Variants in KIAA2012 observed in about 807,000 individuals in gnomAD.
KIAA2012 encodes the protein KIAA2012.
Under a neutral mutation model 150.6 loss-of-function variants are expected in KIAA2012, and 125 were observed. That is an observed-to-expected ratio of 0.83 (90% confidence interval 0.72 to 0.96). KIAA2012 has a LOEUF of 0.96. Ranked by LOEUF, KIAA2012 falls within the 40% of genes least tolerant of loss-of-function variation. The pLI is 0.00. For missense variants in KIAA2012, 1,219 were observed against 1,354.9 expected (o/e 0.90, Z 1.57); for synonymous variants, 462 against 504.7 (o/e 0.92, Z 1.13).
In KIAA2012 at chr2:202,103,008, G is replaced by A. The variant is rs1379908863; in HGVS notation, c.1218G>A (p.Leu406=). 2 of 1,550,534 alleles carry A rather than the reference G, an allele frequency of 1.3e-6. No homozygotes were observed. Among genetic ancestry groups the A allele is most frequent in the Admixed American group, 2.0e-5 (1 of 51,008 alleles). ...AACCACCCAGAGTCTTGGAGCCCCT[G>A]AAGAGCCAATTTAAAGCCAATGAGC... ...SEEPPRVLEP[L]KSQFKANEPP... The change falls in exon 8 of 24, where the codon CTG becomes CTA. Residue 406 remains leucine (L), a synonymous_variant. Coordinates refer to ENST00000498697, the MANE Select transcript of KIAA2012 (RefSeq NM_001277372.4).
chr2:202,113,423 C>T lies in KIAA2012; in HGVS notation c.1739C>T (p.Thr580Ile), dbSNP rs900614230. 6.5e-7 allele frequency: 1 copy of T among 1,550,366 alleles called. No individual in the cohort carries two copies. Among genetic ancestry groups the T allele is most frequent in the Admixed American group, 2.0e-5 (1 of 50,994 alleles). ...CTGTCCCTCCCAGGGCATACCCAAA[C>T]CGAGGCGCTTCCATCGGGTAAAGGT... ...VCLSLPGHTQ[T>I]EALPSGKAYE... Residue 580 changes from threonine (T) to isoleucine (I), a missense_variant, in exon 11 of 24, where the codon ACC becomes ATC. Thr to Ile is a moderately conservative substitution (Grantham distance 89). Coordinates refer to ENST00000498697, the MANE Select transcript of KIAA2012 (RefSeq NM_001277372.4).
At chr2:202,098,169 G>T (rs1293475926) in intron 5 of KIAA2012, among the ~76,000 whole-genome samples, 1 of 152,176 alleles carries the variant, frequency 6.6e-6, no homozygotes, top group Non-Finnish European at 1.5e-5. Context: ...AGACCAGCCT[G>T]GCCAACATGG....
rs1484538607 is a variant in KIAA2012, at chr2:202,196,817, C to A, written c.3205C>A (p.Gln1069Lys). Reference protein sequence around the residue: ...AERAEAEKQRQEELEMQLEEE... With the variant: ...AERAEAEKQRKEELEMQLEEE... ...TTCTGCAGAGGCAGAGAAGCAAAGG[C>A]AAGAGGAATTGGAAATGCAGTTAGA... The change falls in exon 22 of 24, where the codon CAA (glutamine) becomes AAA (lysine). Residue 1069 changes from glutamine to lysine, a missense_variant. Transcript: ENST00000498697. 1 of 1,550,280 alleles carries A rather than the reference C, an allele frequency of 6.5e-7. No individual in the cohort carries two copies. Among genetic ancestry groups the A allele is most frequent in the Non-Finnish European group, 8.7e-7 (1 of 1,146,958 alleles).
chr2:202,074,281 TCATA>T (rs1198482619), intron 1 of KIAA2012, among the ~76,000 whole-genome samples: 1 of 151,966 alleles, frequency 6.6e-6, no homozygotes, highest in Non-Finnish European at 1.5e-5. Context: ...AATTTGGGGG[TCATA>T]CAGAGATTTC....
Position 202,190,155 on chromosome 2 carries a change from C to A in KIAA2012, c.2492-19C>A. On this transcript the variant is annotated intron_variant, in intron 18 of 23. Transcript: ENST00000498697. ...AAGTTAACTCAGCTATATCTCTATC[C>A]CCAATTGTTCTCCCCCAGGAAAGTC... The A allele has an allele frequency of 6.7e-7, 1 of 1,498,622 alleles. No homozygotes were observed. Among genetic ancestry groups the A allele is most frequent in the Non-Finnish European group, 8.9e-7 (1 of 1,128,716 alleles). 92.8% of individuals were successfully genotyped at this position (1,498,622 alleles called of 1,614,324 possible). A position where few individuals can be genotyped will look rare whatever the true frequency, so the allele number is the denominator to read the frequency against.
chr2:202,105,943 A>G, intron 9 of KIAA2012, 33 bp downstream of exon 9: 1 of 1,550,802 alleles, frequency 6.4e-7, no homozygotes, highest in Non-Finnish European at 8.7e-7. Flanking sequence ...ATCCCTCGGG[A>G]ACCTCACTCT....
chr2:202,190,351 T>G lies in KIAA2012; in HGVS notation c.2669T>G (p.Val890Gly). 6.4e-7 allele frequency: 1 copy of G among 1,550,636 alleles called. No individual in the cohort carries two copies. Among genetic ancestry groups the G allele is most frequent in the African/African-American group, 1.4e-5 (1 of 73,142 alleles). ...NRGSFASDSF[V>G]EDPWLSPKYD... The stretch of plus-strand genomic sequence containing the variant: ...GGTTCCTTTGCCTCAGACTCCTTTG[T>G]AGAGGACCCTTGGCTTTCTCCCAAA... Residue 890 changes from valine (V) to glycine (G), a missense_variant, in exon 19 of 24, where the codon GTA becomes GGA. Val to Gly is a moderately radical substitution (Grantham distance 109). Coordinates refer to ENST00000498697, the MANE Select transcript of KIAA2012 (RefSeq NM_001277372.4).
chr2:202,133,382 C>T (rs1691001501), intron 12 of KIAA2012, among the ~76,000 whole-genome samples: 1 of 151,732 alleles, frequency 6.6e-6, no homozygotes, highest in East Asian at 1.9e-4. Context: ...GGTAAACTGC[C>T]ATGTGCCTTT....
In KIAA2012 at chr2:202,090,839, C is replaced by T. The variant is rs755993706; in HGVS notation, c.439C>T (p.Gln147Ter). 8.6e-5 allele frequency: 134 copies of T among 1,550,470 alleles called. No individual in the cohort carries two copies. Among genetic ancestry groups the T allele is most frequent in the Non-Finnish European group, 1.1e-4 (130 of 1,146,988 alleles). Residue 147 changes from glutamine (Q) to a stop codon, truncating the protein, a stop_gained, in exon 3 of 24, where the codon CAG (glutamine) becomes TAG (stop). Coordinates refer to ENST00000498697, the MANE Select transcript of KIAA2012 (RefSeq NM_001277372.4). LOFTEE classifies it high-confidence loss of function. Reference protein sequence around the residue: ...RSQLESQAQRQIQPGHSAKRY... With the variant: ...RSQLESQAQR Reference sequence around the variant, plus strand: ...CCAGCTGGAGAGCCAGGCCCAACGGCAGATCCAGCCAGGGCATTCAGCCAA... The same window carrying T: ...CCAGCTGGAGAGCCAGGCCCAACGGTAGATCCAGCCAGGGCATTCAGCCAA...
chr2:202,097,462 C>A lies in KIAA2012; in HGVS notation c.713C>A (p.Ala238Asp), dbSNP rs1689915927. The change falls in exon 5 of 24, where the codon GCT becomes GAT. Residue 238 changes from alanine (A) to aspartate (D), a missense_variant. Ala to Asp is a moderately radical substitution (Grantham distance 126, BLOSUM62 -2). Coordinates refer to ENST00000498697, the MANE Select transcript of KIAA2012 (RefSeq NM_001277372.4). ...QRQQGLDEGEAGAAGHVDQGP... is the reference protein window; with the variant it reads ...QRQQGLDEGEDGAAGHVDQGP... ...CAACAGGGCCTGGATGAAGGGGAAGCTGGAGCTGCTGGACACGTGGACCAG... is the reference window on the plus strand; with the variant it reads ...CAACAGGGCCTGGATGAAGGGGAAGATGGAGCTGCTGGACACGTGGACCAG... 6.4e-7 allele frequency: 1 copy of A among 1,550,452 alleles called. No homozygotes were observed. Among genetic ancestry groups the A allele is most frequent in the Non-Finnish European group, 8.7e-7 (1 of 1,146,972 alleles).
intron 9 of KIAA2012, among the ~76,000 whole-genome samples, chr2:202,107,395 G>A (rs190878824): frequency 2.6e-5 from 4 of 152,176 alleles, no homozygotes; most frequent in Admixed American, 2.0e-4. Flanking sequence ...AGACTTTAAT[G>A]TTTCCTTTTT....
At chr2:202,108,503 C>G (rs1015765815) in intron 9 of KIAA2012, among the ~76,000 whole-genome samples, 3 of 152,216 alleles carry the variant, frequency 2.0e-5, no homozygotes, top group Admixed American at 6.5e-5. Context: ...TCTTTAGAAT[C>G]TTTTCATCTA....
chr2:202,102,922 G>A (rs1690085510), intron 7 of KIAA2012, 24 bp from the exon 8 acceptor site: 22 of 1,547,278 alleles, frequency 1.4e-5, no homozygotes, highest in Admixed American at 4.0e-5. Flanking sequence ...TGCCATGATC[G>A]TTTTGTTTTT....
At chr2:202,152,126 C>A (rs1201124717) in intron 13 of KIAA2012, among the ~76,000 whole-genome samples, 1 of 152,148 alleles carries the variant, frequency 6.6e-6, no homozygotes, top group African/African-American at 2.4e-5. Context: ...ATCACTACCT[C>A]TTCTTTATAT....
chr2:202,183,897 T>A (rs1692174334), intron 15 of KIAA2012, among the ~76,000 whole-genome samples: 3 of 152,244 alleles, frequency 2.0e-5, no homozygotes, highest in African/African-American at 7.2e-5. Context: ...TTCCTTTTTC[T>A]GTTTTCCAGT....
At chr2:202,200,788 C>A (rs1159926457) in intron 22 of KIAA2012, among the ~76,000 whole-genome samples, 1 of 147,084 alleles carries the variant, frequency 6.8e-6, no homozygotes, top group East Asian at 2.0e-4. Context: ...CTCACCGCAA[C>A]CTCCGCCTGC....
At chr2:202,131,837 G>A (rs1690936907) in intron 12 of KIAA2012, among the ~76,000 whole-genome samples, 1 of 152,160 alleles carries the variant, frequency 6.6e-6, no homozygotes, top group African/African-American at 2.4e-5. Flanking sequence ...GATGAAAAAT[G>A]CACCTTGCAA....
intron 22 of KIAA2012, among the ~76,000 whole-genome samples, chr2:202,200,387 T>G (rs1399665981): frequency 6.6e-6 from 1 of 152,162 alleles, no homozygotes; most frequent in Non-Finnish European, 1.5e-5. Context: ...ACCCTCCATT[T>G]TTGCCTGAGG....
chr2:202,172,859 T>C (rs560912206), intron 15 of KIAA2012, among the ~76,000 whole-genome samples: 1 of 152,284 alleles, frequency 6.6e-6, no homozygotes, highest in Admixed American at 6.5e-5. Flanking sequence ...GGCTCCTTGC[T>C]CCCCACATTG....
Sources: gnomAD v4.1 joint callset for allele counts (sites outside exome capture counted in the v4.1 genomes callset) on GRCh38, gnomAD v4.1.1 for gene constraint, MANE v1.5 for transcripts, NCBI Gene and HGNC (gene_info 2026-07-23, HGNC 2026-07-21) for gene names.